Variants in GRM5 observed in about 807,000 individuals in gnomAD.
The protein encoded by GRM5 is metabotropic glutamate receptor 5.
In GRM5, 19 loss-of-function variants were observed where a neutral mutation model predicts 83.1. The observed-to-expected ratio is 0.23, with a 90% CI of 0.16 to 0.34. GRM5 has a LOEUF of 0.34. Among genes scored for constraint, GRM5 ranks in the 10% least tolerant of loss-of-function variants. The probability of loss-of-function intolerance (pLI) is 1.00; values close to 1 mark genes in which losing one functional copy is unlikely to be tolerated. For missense variants in GRM5, 1,160 were observed against 1,588.3 expected (o/e 0.73, Z 4.58); for synonymous variants, 675 against 633.6 (o/e 1.07, Z -0.98).
At chr11:88,556,345 T>TG (rs1431291525) in intron 8 of GRM5, among the ~76,000 whole-genome samples, 3 of 148,110 alleles carry the variant, frequency 2.0e-5, no homozygotes, top group African/African-American at 5.1e-5. Flanking sequence ...TTTTTTTAGA[T>TG]GGAGTCTTGC....
intron 2 of GRM5, among the ~76,000 whole-genome samples, chr11:88,954,179 G>A (rs928316322): frequency 6.6e-6 from 1 of 152,172 alleles, no homozygotes; most frequent in Non-Finnish European, 1.5e-5. Flanking sequence ...GAAGAGTTGG[G>A]AAAGCACAAT....
intron 3 of GRM5, among the ~76,000 whole-genome samples, chr11:88,811,796 C>T (rs1173756861): frequency 6.6e-6 from 1 of 151,492 alleles, no homozygotes; most frequent in East Asian, 1.9e-4. Flanking sequence ...TCTCCAATCA[C>T]ACCCTGCCCC....
intron 3 of GRM5, among the ~76,000 whole-genome samples, chr11:88,693,885 A>C (rs1940842125): frequency 6.6e-6 from 1 of 152,202 alleles, no homozygotes; most frequent in African/African-American, 2.4e-5. Flanking sequence ...TAATGGTGAG[A>C]GGGAAGGAAG....
chr11:88,753,132 C>T (rs927783862), intron 3 of GRM5, among the ~76,000 whole-genome samples: 1 of 152,134 alleles, frequency 6.6e-6, no homozygotes, highest in Non-Finnish European at 1.5e-5. Flanking sequence ...TAAAGAGCTT[C>T]TTCAGAGCAA....
At chr11:89,014,280 T>C (rs1242680706) in intron 2 of GRM5, among the ~76,000 whole-genome samples, 2 of 152,028 alleles carry the variant, frequency 1.3e-5, no homozygotes, top group Non-Finnish European at 2.9e-5. Context: ...ATTGTAGAGA[T>C]CATAGAGATC....
intron 3 of GRM5, among the ~76,000 whole-genome samples, chr11:88,801,628 G>A (rs1219591252): frequency 6.6e-6 from 1 of 152,118 alleles, no homozygotes; most frequent in Admixed American, 6.6e-5. Context: ...AATTGTATGA[G>A]TTAAAAGAGT....
At chr11:88,838,993 A>G (rs915123852) in intron 3 of GRM5, among the ~76,000 whole-genome samples, 4 of 152,104 alleles carry the variant, frequency 2.6e-5, no homozygotes, top group East Asian at 1.9e-4. Flanking sequence ...CTTTTAAGCT[A>G]TATCTGCCCC....
At chr11:88,512,139 A>G (rs1025264360) in intron 9 of GRM5, 3 of 154,184 alleles carry the variant, frequency 1.9e-5, no homozygotes, top group Non-Finnish European at 4.4e-5. Context: ...GCCCCAAAAC[A>G]TGATAGCATG....
At chr11:88,896,890 A>G (rs1181511957) in intron 2 of GRM5, among the ~76,000 whole-genome samples, 1 of 151,910 alleles carries the variant, frequency 6.6e-6, no homozygotes, top group Admixed American at 6.6e-5. Context: ...ATTCAGCCAA[A>G]TGTCTGAGCA....
chr11:89,045,799 T>C (rs1159148855), intron 2 of GRM5, among the ~76,000 whole-genome samples: 4 of 152,192 alleles, frequency 2.6e-5, no homozygotes, highest in South Asian at 2.1e-4. Flanking sequence ...ACCTTTACAA[T>C]TGGCCTTTTC....
intron 3 of GRM5, among the ~76,000 whole-genome samples, chr11:88,829,235 C>A (rs1943945298): frequency 6.6e-6 from 1 of 152,104 alleles, no homozygotes; most frequent in Admixed American, 6.6e-5. Context: ...ACAAGGCAGG[C>A]AGATCATTTG....
intron 2 of GRM5, among the ~76,000 whole-genome samples, chr11:89,040,319 A>T (rs1941500155): frequency 6.6e-6 from 1 of 152,194 alleles, no homozygotes; most frequent in Non-Finnish European, 1.5e-5. Flanking sequence ...AATTAACAGG[A>T]TAATGACCAG....
intron 1 of GRM5, among the ~76,000 whole-genome samples, chr11:89,050,685 T>C (rs192444015): frequency 2.3e-3 from 346 of 152,268 alleles, no homozygotes; most frequent in African/African-American, 7.8e-3. Context: ...TTACTCACAA[T>C]AGCAAAAACA....
intron 3 of GRM5, among the ~76,000 whole-genome samples, chr11:88,677,159 A>G (rs1412087020): frequency 2.6e-5 from 4 of 152,098 alleles, no homozygotes; most frequent in Non-Finnish European, 5.9e-5. Context: ...ATGTGACTAG[A>G]AGATATATAT....
intron 3 of GRM5, among the ~76,000 whole-genome samples, chr11:88,700,324 C>A (rs1941000713): frequency 6.6e-6 from 1 of 152,096 alleles, no homozygotes; most frequent in South Asian, 2.1e-4. Flanking sequence ...TGTTATCAGG[C>A]ATCCCATTGC....
At chr11:88,854,888 G>A (rs1163386511) in intron 2 of GRM5, among the ~76,000 whole-genome samples, 1 of 151,920 alleles carries the variant, frequency 6.6e-6, no homozygotes, top group African/African-American at 2.4e-5. Context: ...ACTTTAGTAA[G>A]TAATTTGTAA....
At chr11:88,966,978 C>A (rs1266931573) in intron 2 of GRM5, among the ~76,000 whole-genome samples, 1 of 152,044 alleles carries the variant, frequency 6.6e-6, no homozygotes, top group Non-Finnish European at 1.5e-5. Flanking sequence ...TGTGGCCATG[C>A]AGCTAGGCCA....
In GRM5 at chr11:88,922,202, C is replaced by T. The variant is rs573384802; in HGVS notation, c.662-72047G>A. ...TTCAAAGAAATTTCTATCAAAATAC[C>T]ATTTACCTTCTCACATAAGTAGAAA... On this transcript the variant is annotated intron_variant, in intron 2 of 9. Coordinates refer to ENST00000305447, the MANE Select transcript of GRM5 (RefSeq NM_001143831.3). 2.6e-5 allele frequency among the ~76,000 whole-genome samples: 4 copies of T among 152,076 alleles called. No homozygotes were observed. The South Asian group carries it at 8.3e-4, about 32-fold the overall frequency.
chr11:88,910,629 A>G (rs1945480317), intron 2 of GRM5, among the ~76,000 whole-genome samples: 1 of 152,086 alleles, frequency 6.6e-6, no homozygotes, highest in African/African-American at 2.4e-5. Flanking sequence ...TCTCAAACAT[A>G]TATGTTTAGA....
Sources: allele counts gnomAD v4.1 joint callset (sites outside exome capture counted in the v4.1 genomes callset), GRCh38; gene constraint gnomAD v4.1.1; transcripts MANE v1.5; gene names NCBI Gene and HGNC (gene_info 2026-07-23, HGNC 2026-07-21).